The following PREPL variants were observed in gnomAD, a reference collection of about 807,000 sequenced individuals.
The protein encoded by PREPL is prolyl endopeptidase like.
A neutral mutation model predicts 70.6 loss-of-function variants in PREPL; 77 were observed. The observed-to-expected ratio is 1.09, with a 90% confidence interval of 0.91 to 1.32. The LOEUF (loss-of-function observed/expected upper bound fraction) is 1.32, where lower values mean the gene tolerates loss of function less well. Among genes scored for constraint, PREPL ranks in the 40% most tolerant of loss-of-function variants. The pLI is 0.00. For synonymous variants in PREPL, 315 were observed against 264.8 expected (o/e 1.19, Z -1.84); for missense variants, 1,002 against 778.2 (o/e 1.29, Z -3.42).
At chr2:44,349,546 T>C (rs1184300426) in intron 1 of PREPL, among the ~76,000 whole-genome samples, 1 of 152,048 alleles carries the variant, frequency 6.6e-6, no homozygotes, top group Admixed American at 6.6e-5. Context: ...CTTAAGGAAG[T>C]AGAAGAAAGG....
intron 1 of PREPL, among the ~76,000 whole-genome samples, chr2:44,354,071 G>C (rs1676744825): frequency 6.6e-6 from 1 of 152,242 alleles, no homozygotes; most frequent in Admixed American, 6.5e-5. Context: ...CAGGAAGACA[G>C]CACGAGCCCA....
intron 7 of PREPL, among the ~76,000 whole-genome samples, chr2:44,333,016 C>G (rs1054695051): frequency 2.0e-5 from 3 of 152,198 alleles, no homozygotes; most frequent in Non-Finnish European, 4.4e-5. Flanking sequence ...CCCACCGACA[C>G]TGCCAAGATC....
rs541139276 is a variant in PREPL, at chr2:44,355,500, G to A, written c.-49+5880C>T. Among the ~76,000 whole-genome samples, 3 of 152,254 alleles carry A rather than the reference G, an allele frequency of 2.0e-5. No homozygotes were observed. In the East Asian group the frequency reaches 5.8e-4, roughly 29 times the overall value. Reference sequence around the variant, plus strand: ...GGAGGTGGAGGTTGCAGTGAGCAGAGACTGTGCCACTGCACTACAGACTGG... The same window carrying A: ...GGAGGTGGAGGTTGCAGTGAGCAGAAACTGTGCCACTGCACTACAGACTGG... On this transcript the variant is annotated intron_variant, in intron 1 of 13. Coordinates refer to ENST00000409411, the MANE Select transcript of PREPL (RefSeq NM_001171613.2).
intron 1 of PREPL, among the ~76,000 whole-genome samples, chr2:44,350,325 CAAAT>C (rs1271615305): frequency 6.6e-6 from 1 of 151,618 alleles, no homozygotes; most frequent in Non-Finnish European, 1.5e-5. Context: ...TAATCTAACA[CAAAT>C]AAAGGAGATA....
chr2:44,342,342 G>C (rs1675312355), intron 5 of PREPL, 75 bp downstream of exon 5: 1 of 1,344,838 alleles, frequency 7.4e-7, no homozygotes. Flanking sequence ...AACGTTTTAA[G>C]TCAACCAAAG....
chr2:44,328,822 A>T, intron 9 of PREPL, 115 bp downstream of exon 9: 1 of 1,119,408 alleles, frequency 8.9e-7, no homozygotes, highest in Non-Finnish European at 1.3e-6. Flanking sequence ...GGAATACAAA[A>T]ATTGAATAAT....
chr2:44,351,388 G>C (rs1487269647), intron 1 of PREPL, among the ~76,000 whole-genome samples: 1 of 151,882 alleles, frequency 6.6e-6, no homozygotes, highest in African/African-American at 2.4e-5. Context: ...GCTGTAGCCT[G>C]AACAATCCTG....
At chr2:44,330,429 C>A (rs1673976113) in intron 8 of PREPL, among the ~76,000 whole-genome samples, 1 of 152,112 alleles carries the variant, frequency 6.6e-6, no homozygotes, top group Admixed American at 6.5e-5. Context: ...TTTTGATAGA[C>A]TAGTCTAATT....
chr2:44,342,696 A>C, intron 4 of PREPL, 144 bp from the exon 5 acceptor site: 1 of 676,430 alleles, frequency 1.5e-6, no homozygotes, highest in East Asian at 2.7e-5. Context: ...GACTGTATCT[A>C]ATCTGTGCTG....
chr2:44,355,093 T>C (rs1441705224), intron 1 of PREPL, among the ~76,000 whole-genome samples: 2 of 152,228 alleles, frequency 1.3e-5, no homozygotes, highest in East Asian at 1.9e-4. Flanking sequence ...AAGATCATAA[T>C]AGCTTTGTGT....
chr2:44,328,511 G>GTAT (rs906664010), intron 9 of PREPL, among the ~76,000 whole-genome samples: 5 of 150,842 alleles, frequency 3.3e-5, no homozygotes, highest in Non-Finnish European at 2.9e-5. Context: ...ACCATTAGGA[G>GTAT]TATTATACTG....
At chr2:44,325,273 G>T (rs544652333) in intron 10 of PREPL, among the ~76,000 whole-genome samples, 1 of 152,244 alleles carries the variant, frequency 6.6e-6, no homozygotes, top group Non-Finnish European at 1.5e-5. Context: ...CAAAGAAGCA[G>T]TGATCACAGA....
intron 1 of PREPL, chr2:44,360,541 G>A (rs901893611): frequency 3.3e-5 from 5 of 152,200 alleles, no homozygotes; most frequent in Admixed American, 6.5e-5. Context: ...CAAATAAAAT[G>A]TAAGGCCATC....
intron 10 of PREPL, 107 bp from the exon 11 acceptor site, chr2:44,323,518 C>T (rs754849834): frequency 1.1e-6 from 1 of 891,564 alleles, no homozygotes. Context: ...GAGAAAATAA[C>T]TCAAGCCATG....
intron 4 of PREPL, 142 bp from the exon 5 acceptor site, chr2:44,342,694 C>G: frequency 1.5e-6 from 1 of 673,584 alleles, no homozygotes; most frequent in Non-Finnish European, 2.4e-6. Context: ...TTGACTGTAT[C>G]TAATCTGTGC....
Position 44,349,664 on chromosome 2 carries a change from G to C in PREPL, c.-48-3274C>G, listed in dbSNP as rs531209351. On this transcript the variant is annotated intron_variant, in intron 1 of 13. Coordinates refer to ENST00000409411, the MANE Select transcript of PREPL (RefSeq NM_001171613.2). ...ATTAAAAAACAAACATCACAAAACT[G>C]ATAGAAAAAAGAATACGAGGCCGGG... 2.2e-4 allele frequency among the ~76,000 whole-genome samples: 33 copies of C among 152,128 alleles called. 1 individual carries two copies. In the East Asian group the frequency reaches 6.0e-3, roughly 28 times the overall value.
intron 1 of PREPL, chr2:44,359,713 C>G: frequency 6.2e-7 from 1 of 1,601,934 alleles, no homozygotes; most frequent in Non-Finnish European, 8.6e-7. Flanking sequence ...TCTTCTGCTG[C>G]ATGATATCAA....
intron 4 of PREPL, among the ~76,000 whole-genome samples, 194 bp from the exon 5 acceptor site, chr2:44,342,746 T>C (rs1675366489): frequency 6.6e-6 from 1 of 152,176 alleles, no homozygotes; most frequent in African/African-American, 2.4e-5. Flanking sequence ...AAACCACTAC[T>C]ACACCATTCC....
Position 44,327,617 on chromosome 2 carries a change from T to C in PREPL, c.1263-689A>G, listed in dbSNP as rs189671599. ...GCCTCAAGCCTGTCATCTCAGCATTTTGGTAGGCTGAGGTGAGCAGGTCAC... is the reference window on the plus strand; with the variant it reads ...GCCTCAAGCCTGTCATCTCAGCATTCTGGTAGGCTGAGGTGAGCAGGTCAC... On this transcript the variant is annotated intron_variant, in intron 9 of 13. Coordinates refer to ENST00000409411, the MANE Select transcript of PREPL (RefSeq NM_001171613.2). Among the ~76,000 whole-genome samples the C allele has an allele frequency of 3.7e-4, 57 of 152,206 alleles. No homozygotes were observed. The East Asian group carries it at 0.01, about 28-fold the overall frequency.
Sources: allele counts gnomAD v4.1 joint callset (sites outside exome capture counted in the v4.1 genomes callset), GRCh38; gene constraint gnomAD v4.1.1; transcripts MANE v1.5; gene names NCBI Gene and HGNC (gene_info 2026-07-23, HGNC 2026-07-21).